The following PRKG1 variants were observed in gnomAD, a reference collection of about 807,000 sequenced individuals.
PRKG1 encodes cGMP-dependent protein kinase 1.
In PRKG1, 35 loss-of-function variants were observed where a neutral mutation model predicts 88.1. The observed-to-expected ratio is 0.40, with a 90% CI of 0.30 to 0.53. The LOEUF is 0.53. Ranked by LOEUF, PRKG1 falls within the 20% of genes least tolerant of loss-of-function variation. PRKG1 has a pLI of 0.59. For synonymous variants in PRKG1, 303 were observed against 292.5 expected, an observed-to-expected ratio of 1.04 and a Z score of -0.37; for missense variants, 540 against 839.8, an observed-to-expected ratio of 0.64 and a Z score of 4.41.
intron 9 of PRKG1, among the ~76,000 whole-genome samples, chr10:52,174,508 A>G (rs1345483705): frequency 6.6e-6 from 1 of 152,008 alleles, no homozygotes; most frequent in African/African-American, 2.4e-5. Context: ...AGAAAAAAGG[A>G]CTATAAAGAA....
chr10:52,062,389 T>A (rs371436233), intron 6 of PRKG1, 148 bp from the exon 7 acceptor site: 14 of 436,304 alleles, frequency 3.2e-5, no homozygotes, highest in African/African-American at 2.6e-4. Flanking sequence ...GTGATGTTGT[T>A]CTTTGGTCCT....
intron 2 of PRKG1, among the ~76,000 whole-genome samples, chr10:51,167,126 A>T (rs1285000648): frequency 6.6e-6 from 1 of 152,162 alleles, no homozygotes; most frequent in Non-Finnish European, 1.5e-5. Flanking sequence ...CTGTGTACGG[A>T]AATAAGCGAA....
intron 4 of PRKG1, among the ~76,000 whole-genome samples, chr10:51,849,180 T>G (rs1462923055): frequency 6.6e-6 from 1 of 152,172 alleles, no homozygotes; most frequent in Non-Finnish European, 1.5e-5. Context: ...CTTCCCATTC[T>G]TTAACCCACC....
At chr10:51,998,028 G>A (rs539658040) in intron 5 of PRKG1, among the ~76,000 whole-genome samples, 1 of 152,060 alleles carries the variant, frequency 6.6e-6, no homozygotes, top group Admixed American at 6.6e-5. Flanking sequence ...TTTTATTCTA[G>A]GTTTTTGGTG....
At chr10:51,803,107 G>C (rs1038733166) in intron 3 of PRKG1, among the ~76,000 whole-genome samples, 1 of 151,970 alleles carries the variant, frequency 6.6e-6, no homozygotes, top group African/African-American at 2.4e-5. Context: ...CAAGTTCTTT[G>C]TGGCTATATC....
At chr10:52,077,220 A>C (rs1469689347) in intron 7 of PRKG1, among the ~76,000 whole-genome samples, 2 of 152,228 alleles carry the variant, frequency 1.3e-5, no homozygotes, top group Non-Finnish European at 2.9e-5. Context: ...AGTAGTATGT[A>C]GCAATAAAAA....
intron 5 of PRKG1, among the ~76,000 whole-genome samples, chr10:51,961,131 A>G (rs555474733): frequency 6.6e-6 from 1 of 152,316 alleles, no homozygotes; most frequent in East Asian, 1.9e-4. Flanking sequence ...TTTCTAGAGA[A>G]GGATATTATT....
At chr10:52,154,468 T>G (rs1838031450) in intron 8 of PRKG1, among the ~76,000 whole-genome samples, 1 of 152,162 alleles carries the variant, frequency 6.6e-6, no homozygotes, top group African/African-American at 2.4e-5. Flanking sequence ...GTAGCACTAC[T>G]CTACAAAAAG....
chr10:51,862,165 A>G (rs1840892886), intron 4 of PRKG1, among the ~76,000 whole-genome samples: 1 of 152,080 alleles, frequency 6.6e-6, no homozygotes, highest in Admixed American at 6.5e-5. Flanking sequence ...GGGGCATGTT[A>G]TAGCTCATTG....
intron 3 of PRKG1, chr10:51,698,124 G>C (rs1236453889): frequency 1.6e-5 from 26 of 1,614,016 alleles, no homozygotes; most frequent in Non-Finnish European, 2.5e-6. Flanking sequence ...CCAGGACCCT[G>C]AATTCCACCA....
intron 2 of PRKG1, among the ~76,000 whole-genome samples, chr10:51,414,627 C>T (rs1588934387): frequency 6.6e-6 from 1 of 152,080 alleles, no homozygotes; most frequent in Non-Finnish European, 1.5e-5. Flanking sequence ...TATGTGGTTA[C>T]AAAAATCAGC....
At chr10:51,918,994 G>A (rs1355611081) in intron 5 of PRKG1, among the ~76,000 whole-genome samples, 1 of 152,152 alleles carries the variant, frequency 6.6e-6, no homozygotes, top group African/African-American at 2.4e-5. Flanking sequence ...AAGAAAATCA[G>A]TTGGGCTTTC....
At chr10:51,048,690 A>C (rs988182520) in intron 1 of PRKG1, among the ~76,000 whole-genome samples, 1 of 152,194 alleles carries the variant, frequency 6.6e-6, no homozygotes, top group Admixed American at 6.5e-5. Context: ...AATTAGACAT[A>C]AGTCAACGCT....
chr10:51,208,030 T>A (rs1838108146), intron 2 of PRKG1, among the ~76,000 whole-genome samples: 1 of 152,222 alleles, frequency 6.6e-6, no homozygotes, highest in Non-Finnish European at 1.5e-5. Flanking sequence ...CTTTGTTGAA[T>A]GCAGTTTAAC....
intron 3 of PRKG1, among the ~76,000 whole-genome samples, chr10:51,709,515 T>C (rs1196871829): frequency 7.2e-5 from 11 of 152,186 alleles, no homozygotes; most frequent in Admixed American, 7.2e-4. Context: ...ACAAAACAAG[T>C]GCCTGCAGGA....
At chr10:51,434,272 T>C (rs1187018991) in intron 2 of PRKG1, among the ~76,000 whole-genome samples, 7 of 152,122 alleles carry the variant, frequency 4.6e-5, no homozygotes, top group Admixed American at 3.9e-4. Context: ...CAGTCTAGTC[T>C]GCTGCCATCA....
At chr10:51,211,555 A>G (rs923807027) in intron 2 of PRKG1, among the ~76,000 whole-genome samples, 3 of 152,198 alleles carry the variant, frequency 2.0e-5, no homozygotes, top group African/African-American at 7.2e-5. Context: ...ATGATTGTAT[A>G]TCTAGAAAAC....
chr10:52,293,454 G>A (rs915044335), intron 17 of PRKG1, among the ~76,000 whole-genome samples: 2 of 152,098 alleles, frequency 1.3e-5, no homozygotes, highest in African/African-American at 2.4e-5. Context: ...GCATCGCCAA[G>A]TCAATCCTGA....
At chr10:51,939,547 A>T (rs1842861759) in intron 5 of PRKG1, among the ~76,000 whole-genome samples, 1 of 151,836 alleles carries the variant, frequency 6.6e-6, no homozygotes, top group Non-Finnish European at 1.5e-5. Flanking sequence ...GCAAAGTCTG[A>T]TCTCATTGTC....
Sources: gnomAD v4.1 joint callset for allele counts (sites outside exome capture counted in the v4.1 genomes callset) on GRCh38, gnomAD v4.1.1 for gene constraint, MANE v1.5 for transcripts, NCBI Gene and HGNC (gene_info 2026-07-23, HGNC 2026-07-21) for gene names.